Variants in NTF4 observed in about 807,000 individuals in gnomAD.
The protein encoded by NTF4 is neurotrophin 4.
NTF4 carries 2 observed loss-of-function variants against 4.4 expected under a neutral mutation model. The ratio of observed to expected loss-of-function variants is 0.46; its 90% CI spans 0.19 to 1.44. NTF4 has a LOEUF of 1.44. Among genes scored for constraint, NTF4 ranks in the 40% most tolerant of loss-of-function variants. NTF4 has a pLI of 0.26. For synonymous variants in NTF4, 127 were observed against 122.0 expected, an observed-to-expected ratio of 1.04 and a Z score of -0.27; for missense variants, 260 against 293.0, an observed-to-expected ratio of 0.89 and a Z score of 0.82.
Position 49,061,601 on chromosome 19 carries a change from G to A in NTF4, c.397C>T (p.Arg133Cys), listed in dbSNP as rs144842220. Residue 133 changes from arginine (R) to cysteine (C), a missense_variant, in exon 1 of 1, where the codon CGC becomes TGC. Physicochemically the swap from Arg to Cys is radical, Grantham distance 180. Coordinates refer to ENST00000593537, the Ensembl canonical transcript of NTF4. The surrounding 1 kb of genome is among the most constrained non-coding windows in gnomAD (Gnocchi z 4.9). ...CAGCGGGTTTCAAAGAAGTACTGGC[G>A]GAGGGGACTGCCGCCAGCTGCAGGC... 75 of 1,613,758 alleles carry A rather than the reference G, an allele frequency of 4.6e-5. No individual in the cohort carries two copies. Among genetic ancestry groups the A allele is most frequent in the Non-Finnish European group, 5.5e-5 (65 of 1,180,016 alleles).
chr19:49,058,611 C>T (rs148033824), downstream of NTF4: 8,762 of 426,432 alleles, frequency 0.021, 135 homozygotes, highest in East Asian at 0.055. Flanking sequence ...GGTCTGCCCA[C>T]CTGCACCGTG....
chr19:49,058,780 T>A (rs1432749580), downstream of NTF4: 1 of 164,664 alleles, frequency 6.1e-6, no homozygotes, highest in Non-Finnish European at 1.3e-5. Context: ...TTCCACCCCC[T>A]CCCTGTAGCC....
rs1277031297 is a variant in NTF4 at position 49,061,434 on chromosome 19, C to T, written c.564G>A (p.Val188=). ...TGTCAATTCGAATCCATCGCCAGCC[C>T]ACACGGCCCTGGGCATCAGCGGTCA... Residue 188 remains valine, a synonymous_variant, in exon 1 of 1, where the codon GTG becomes GTA. Transcript: ENST00000593537. This position sits in a 1 kb window ranked among gnomAD's most constrained non-coding sequence, Gnocchi z 4.9. The T allele has an allele frequency of 6.2e-7, 1 of 1,614,038 alleles. No individual in the cohort carries two copies. Among genetic ancestry groups the T allele is most frequent in the Non-Finnish European group, 8.5e-7 (1 of 1,180,004 alleles).
downstream of NTF4, chr19:49,058,358 G>A (rs917249878): frequency 2.9e-6 from 4 of 1,360,898 alleles, no homozygotes; most frequent in South Asian, 6.0e-5. Flanking sequence ...TGGAGAGAAG[G>A]CGCCGCACAT....
At chr19:49,058,624 CG>C (rs1568406598), downstream of NTF4, 3 of 397,072 alleles carry the variant, frequency 7.6e-6, no homozygotes, top group East Asian at 4.0e-5. Flanking sequence ...GCACCGTGGG[CG>C]GGGGGAAGGG....
downstream of NTF4, among the ~76,000 whole-genome samples, chr19:49,059,909 C>T (rs1466075313): frequency 2.0e-5 from 3 of 151,576 alleles, no homozygotes; most frequent in South Asian, 2.1e-4. Flanking sequence ...AGTAGCCGGG[C>T]GTGGTGGCGC....
At chr19:49,058,383 C>T, downstream of NTF4, 1 of 1,055,958 alleles carries the variant, frequency 9.5e-7, no homozygotes, top group Non-Finnish European at 1.3e-6. Context: ...TAGAAAGACT[C>T]AGGAGTCCCT....
At chr19:49,064,461 A>G, upstream of NTF4, 1 of 160,432 alleles carries the variant, frequency 6.2e-6, no homozygotes, top group Non-Finnish European at 1.3e-5. Flanking sequence ...GGAGTAGTCC[A>G]GGCCCCCAGC....
Position 49,061,921 on chromosome 19 carries a change from G to A in NTF4, c.77C>T (p.Pro26Leu). Reference sequence around the variant, plus strand: ...AAAAGGGGGCAATGTTGAGGGTGGGGGTTGGGACTCAATTGGCACACTGGG... The same window carrying A: ...AAAAGGGGGCAATGTTGAGGGTGGGAGTTGGGACTCAATTGGCACACTGGG... The change falls in exon 1 of 1, where the codon CCC (proline) becomes CTC (leucine). Residue 26 changes from proline to leucine, a missense_variant. Pro to Leu is a moderately conservative substitution (Grantham distance 98, BLOSUM62 -3). Transcript: ENST00000593537. The surrounding 1 kb of genome is among the most constrained non-coding windows in gnomAD (Gnocchi z 4.9). The A allele has an allele frequency of 6.6e-7, 1 of 1,526,036 alleles. No individual in the cohort carries two copies. Among genetic ancestry groups the A allele is most frequent in the African/African-American group, 1.4e-5 (1 of 72,584 alleles). 94.5% of individuals were successfully genotyped at this position (1,526,036 alleles called of 1,614,324 possible). A position where few individuals can be genotyped will look rare whatever the true frequency, so the allele number is the denominator to read the frequency against.
chr19:49,061,776 C>G lies in NTF4; in HGVS notation c.222G>C (p.Pro74=). The G allele has an allele frequency of 6.4e-7, 1 of 1,568,396 alleles. No individual in the cohort carries two copies. The change falls in exon 1 of 1, where the codon CCG becomes CCC. Residue 74 remains proline, a synonymous_variant. Coordinates refer to ENST00000593537, the Ensembl canonical transcript of NTF4. This position sits in a 1 kb window ranked among gnomAD's most constrained non-coding sequence, Gnocchi z 4.9. ...TCACCCCACGCCGGCTGCGGTTGGC[C>G]GGGGCACCTGCTGACTCCCGAAAGG...
At chr19:49,058,752 G>T, downstream of NTF4, 1 of 176,150 alleles carries the variant, frequency 5.7e-6, no homozygotes, top group South Asian at 1.7e-4. Context: ...CGCACAGCCA[G>T]GGTGCCACTG....
upstream of NTF4, among the ~76,000 whole-genome samples, chr19:49,062,167 C>T (rs955172406): frequency 6.6e-6 from 1 of 152,160 alleles, no homozygotes; most frequent in African/African-American, 2.4e-5. Context: ...TTGCGTAATG[C>T]GCAACTTGTA....
Position 49,061,600 on chromosome 19 carries a change from C to T in NTF4, c.398G>A (p.Arg133His), listed in dbSNP as rs977260366. ...GCAGCGGGTTTCAAAGAAGTACTGG[C>T]GGAGGGGACTGCCGCCAGCTGCAGG... The change falls in exon 1 of 1, where the codon CGC becomes CAC. Residue 133 changes from arginine (R) to histidine (H), a missense_variant. Physicochemically the swap from Arg to His is conservative, Grantham distance 29 (BLOSUM62 0). Coordinates refer to ENST00000593537, the Ensembl canonical transcript of NTF4. The surrounding 1 kb of genome is among the most constrained non-coding windows in gnomAD (Gnocchi z 4.9). The T allele has an allele frequency of 8.7e-6, 14 of 1,613,932 alleles. No homozygotes were observed. Among genetic ancestry groups the T allele is most frequent in the South Asian group, 6.6e-5 (6 of 91,090 alleles).
downstream of NTF4, among the ~76,000 whole-genome samples, chr19:49,060,076 G>A (rs1351536477): frequency 2.0e-4 from 18 of 88,572 alleles, no homozygotes; most frequent in African/African-American, 9.0e-4. Flanking sequence ...AAAAGCTTTT[G>A]GTCAAGGCCT....
Position 49,061,750 on chromosome 19 carries a change from C to G in NTF4, c.248G>C (p.Ser83Thr), listed in dbSNP as rs767678419. The change falls in exon 1 of 1, where the codon AGC becomes ACC. Residue 83 changes from serine (S) to threonine (T), a missense_variant. Ser to Thr is a moderately conservative substitution (Grantham distance 58). Coordinates refer to ENST00000593537, the Ensembl canonical transcript of NTF4. This position sits in a 1 kb window ranked among gnomAD's most constrained non-coding sequence, Gnocchi z 4.9. The stretch of plus-strand genomic sequence containing the variant: ...CCGACGACTCGCTGGTGCAGTTTCG[C>G]TCACCCCACGCCGGCTGCGGTTGGC... 2 of 1,605,968 alleles carry G rather than the reference C, an allele frequency of 1.2e-6. No individual in the cohort carries two copies. The highest frequency in any genetic ancestry group is 1.7e-6 in the Non-Finnish European group (2 of 1,176,950).
At position 49,061,432 on chromosome 19, in the gene NTF4, C is replaced by T. The variant is rs1328156748; in HGVS notation, c.566G>A (p.Gly189Asp). The change falls in exon 1 of 1, where the codon GGC (glycine) becomes GAC (aspartate). Residue 189 changes from glycine to aspartate, a missense_variant. By Grantham distance (94) the Gly-to-Asp change is moderately conservative. Coordinates refer to ENST00000593537, the Ensembl canonical transcript of NTF4. The surrounding 1 kb of genome is among the most constrained non-coding windows in gnomAD (Gnocchi z 4.9). ...AGTGTCAATTCGAATCCATCGCCAG[C>T]CCACACGGCCCTGGGCATCAGCGGT... 17 of 1,613,990 alleles carry T rather than the reference C, an allele frequency of 1.1e-5. No homozygotes were observed. Among genetic ancestry groups the T allele is most frequent in the Admixed American group, 5.0e-5 (3 of 60,034 alleles).
chr19:49,059,813 C>G (rs1201141436), downstream of NTF4, among the ~76,000 whole-genome samples: 1 of 151,868 alleles, frequency 6.6e-6, no homozygotes. Context: ...TTTGGGAGGC[C>G]GAGGCATGCG....
downstream of NTF4, among the ~76,000 whole-genome samples, chr19:49,059,128 C>T (rs2040102398): frequency 6.6e-6 from 1 of 152,118 alleles, no homozygotes; most frequent in African/African-American, 2.4e-5. Flanking sequence ...ATGAGAAACA[C>T]CCCCCTTTGC....
Position 49,061,333 on chromosome 19 carries a change from A to T in NTF4, c.*32T>A. The T allele has an allele frequency of 6.2e-7, 1 of 1,610,748 alleles. No individual in the cohort carries two copies. The highest frequency in any genetic ancestry group is 1.1e-5 in the South Asian group (1 of 90,960). Reference sequence around the variant, plus strand: ...TGGGCCATCCCTGAGGTCTCTCAGCATCCAGCTCTGTTATTTTCCTGGGCA... The same window carrying T: ...TGGGCCATCCCTGAGGTCTCTCAGCTTCCAGCTCTGTTATTTTCCTGGGCA... On this transcript the variant is annotated 3_prime_UTR_variant, in exon 1 of 1. Coordinates refer to ENST00000593537, the Ensembl canonical transcript of NTF4. This position sits in a 1 kb window ranked among gnomAD's most constrained non-coding sequence, Gnocchi z 4.9.
Sources: gnomAD v4.1 joint callset for allele counts (sites outside exome capture counted in the v4.1 genomes callset) on GRCh38, gnomAD v4.1.1 for gene constraint, Gnocchi (gnomAD v3.1) non-coding constraint, MANE v1.5 for transcripts, NCBI Gene and HGNC (gene_info 2026-07-23, HGNC 2026-07-21) for gene names.